CACNA2D3: variants seen among roughly 807,000 people sequenced by gnomAD.
The protein encoded by CACNA2D3 is calcium voltage-gated channel auxiliary subunit alpha2delta 3.
CACNA2D3 carries 60 observed loss-of-function variants against 160.6 expected under a neutral mutation model. The observed-to-expected ratio is 0.37, with a 90% CI of 0.30 to 0.46. The LOEUF (loss-of-function observed/expected upper bound fraction) is 0.46, where lower values mean the gene tolerates loss of function less well. Ranked by LOEUF, CACNA2D3 falls within the 20% of genes least tolerant of loss-of-function variation. CACNA2D3 has a pLI of 1.00. For missense variants in CACNA2D3, 1,205 were observed against 1,365.0 expected (o/e 0.88, Z 1.85); for synonymous variants, 558 against 492.9 (o/e 1.13, Z -1.75).
chr3:55,005,371 A>G (rs1477285847), intron 32 of CACNA2D3, among the ~76,000 whole-genome samples: 2 of 152,216 alleles, frequency 1.3e-5, no homozygotes, highest in Non-Finnish European at 2.9e-5. Context: ...AAATGGATCT[A>G]AAGTCTTTGA....
intron 27 of CACNA2D3, among the ~76,000 whole-genome samples, chr3:54,921,329 C>T (rs758358972): frequency 1.3e-5 from 2 of 152,164 alleles, no homozygotes; most frequent in Non-Finnish European, 2.9e-5. Flanking sequence ...TTAAAATTCA[C>T]TTCCCAAGAT....
At chr3:54,998,871 C>T (rs535120642) in intron 31 of CACNA2D3, among the ~76,000 whole-genome samples, 19 of 152,178 alleles carry the variant, frequency 1.2e-4, no homozygotes, top group Non-Finnish European at 1.9e-4. Flanking sequence ...CTAAGCCTCC[C>T]GAGTAGCTGG....
intron 2 of CACNA2D3, among the ~76,000 whole-genome samples, chr3:54,142,559 C>A (rs920442272): frequency 6.6e-6 from 1 of 152,104 alleles, no homozygotes; most frequent in African/African-American, 2.4e-5. Flanking sequence ...TCTTTGTTTT[C>A]CTCTTGGCTC....
intron 5 of CACNA2D3, among the ~76,000 whole-genome samples, chr3:54,529,103 T>TCCTCTGAAATGACAGCA (rs1701767675): frequency 6.6e-6 from 1 of 152,214 alleles, no homozygotes; most frequent in Non-Finnish European, 1.5e-5. Context: ...TGGAACTCAG[T>TCCTCTGAAATGACAGCA]CCTCTGAAAT....
intron 14 of CACNA2D3, among the ~76,000 whole-genome samples, chr3:54,831,034 A>G (rs937665032): frequency 6.6e-6 from 1 of 152,210 alleles, no homozygotes; most frequent in African/African-American, 2.4e-5. Flanking sequence ...CATAGTCAAT[A>G]TGTTGATCAA....
chr3:54,896,649 G>A, intron 25 of CACNA2D3, 100 bp from the exon 26 acceptor site: 1 of 1,455,660 alleles, frequency 6.9e-7, no homozygotes, highest in Non-Finnish European at 9.6e-7. Context: ...GGTTCTAAAA[G>A]TGAACACTGG....
chr3:54,755,787 T>TG (rs1701957400), intron 12 of CACNA2D3, among the ~76,000 whole-genome samples: 1 of 152,082 alleles, frequency 6.6e-6, no homozygotes, highest in Non-Finnish European at 1.5e-5. Context: ...TCTGTGGTCT[T>TG]GAAAAAAAGA....
At chr3:54,675,785 A>C (rs1043537618) in intron 11 of CACNA2D3, among the ~76,000 whole-genome samples, 5 of 152,152 alleles carry the variant, frequency 3.3e-5, no homozygotes, top group Non-Finnish European at 7.3e-5. Flanking sequence ...CCCTCTGAAG[A>C]GTGACGAAAG....
intron 2 of CACNA2D3, among the ~76,000 whole-genome samples, chr3:54,253,742 G>A (rs1275341878): frequency 6.6e-6 from 1 of 151,650 alleles, no homozygotes; most frequent in African/African-American, 2.4e-5. Flanking sequence ...TTGGGATAAT[G>A]TACCCTCTAA....
intron 2 of CACNA2D3, among the ~76,000 whole-genome samples, chr3:54,272,275 C>G (rs1702637992): frequency 6.6e-6 from 1 of 152,186 alleles, no homozygotes; most frequent in Non-Finnish European, 1.5e-5. Flanking sequence ...CCTCACCTAC[C>G]TCAAGGCTAG....
At chr3:54,227,993 T>C (rs960906896) in intron 2 of CACNA2D3, among the ~76,000 whole-genome samples, 2 of 152,212 alleles carry the variant, frequency 1.3e-5, no homozygotes, top group African/African-American at 4.8e-5. Context: ...GAGTACTTTG[T>C]TCTTTGTTCT....
chr3:54,767,355 G>A (rs979479988), intron 13 of CACNA2D3, among the ~76,000 whole-genome samples: 1 of 152,164 alleles, frequency 6.6e-6, no homozygotes, highest in Non-Finnish European at 1.5e-5. Context: ...GGGAGGAAAA[G>A]AGAACTGCAA....
intron 11 of CACNA2D3, among the ~76,000 whole-genome samples, chr3:54,715,934 A>G (rs928012496): frequency 1.2e-4 from 18 of 152,206 alleles, no homozygotes; most frequent in Non-Finnish European, 2.4e-4. Flanking sequence ...ATCAGGGTAC[A>G]AACTTGCAGT....
intron 3 of CACNA2D3, among the ~76,000 whole-genome samples, chr3:54,351,881 T>C (rs893883164): frequency 1.3e-5 from 2 of 152,122 alleles, no homozygotes; most frequent in Non-Finnish European, 2.9e-5. Flanking sequence ...TCTCGCAGAG[T>C]GGTCTGAAGC....
intron 2 of CACNA2D3, among the ~76,000 whole-genome samples, chr3:54,312,621 A>C (rs1703766894): frequency 6.6e-6 from 1 of 152,174 alleles, no homozygotes; most frequent in South Asian, 2.1e-4. Context: ...GTTTGTGTGA[A>C]ATGATCTGGC....
chr3:54,630,455 A>G (rs1699211062), intron 10 of CACNA2D3, among the ~76,000 whole-genome samples: 1 of 152,134 alleles, frequency 6.6e-6, no homozygotes, highest in Non-Finnish European at 1.5e-5. Flanking sequence ...GTACTCCCAC[A>G]TGGGGGTTGT....
chr3:55,072,250 C>A (rs569519505), intron 35 of CACNA2D3, among the ~76,000 whole-genome samples: 2 of 152,286 alleles, frequency 1.3e-5, no homozygotes, highest in South Asian at 2.1e-4. Context: ...GTGAACATAA[C>A]TGTGGAATAT....
Position 54,123,589 on chromosome 3 carries a change from CA to C in CACNA2D3, c.203del (p.Lys68ArgfsTer12). 6.2e-7 allele frequency: 1 copy of C among 1,613,132 alleles called. No individual in the cohort carries two copies. The highest frequency in any genetic ancestry group is 1.1e-5 in the South Asian group (1 of 91,066). On this transcript the variant is annotated frameshift_variant, in exon 2 of 38. Transcript: ENST00000474759. LOFTEE classifies it high-confidence loss of function. ...AAKYSGSQLL[Q>X]KKYKEYEKDV... ...TAAGTACTCCGGTTCCCAGCTTCTGCAAAAGGTAAGGTTTCTGTGGTGGCAG... is the reference window on the plus strand; with the variant it reads ...TAAGTACTCCGGTTCCCAGCTTCTGCAAAGGTAAGGTTTCTGTGGTGGCAG...
chr3:54,555,312 C>T (rs1398504963), intron 5 of CACNA2D3, among the ~76,000 whole-genome samples: 1 of 152,140 alleles, frequency 6.6e-6, no homozygotes, highest in East Asian at 1.9e-4. Context: ...CTGACCATCT[C>T]AGGCACTGCT....
Sources: allele counts gnomAD v4.1 joint callset (sites outside exome capture counted in the v4.1 genomes callset), GRCh38; gene constraint gnomAD v4.1.1; transcripts MANE v1.5; gene names NCBI Gene and HGNC (gene_info 2026-07-23, HGNC 2026-07-21).